ZMIZ2: variants seen among roughly 807,000 people sequenced by gnomAD.
ZMIZ2 encodes zinc finger MIZ-type containing 2.
A neutral mutation model predicts 93.9 loss-of-function variants in ZMIZ2; 26 were observed. The observed-to-expected ratio is 0.28, with a 90% CI of 0.20 to 0.38. The LOEUF (loss-of-function observed/expected upper bound fraction) is 0.38, where lower values mean the gene tolerates loss of function less well. Ranked by LOEUF, ZMIZ2 falls within the 10% of genes least tolerant of loss-of-function variation. ZMIZ2 has a pLI of 1.00. For synonymous variants in ZMIZ2, 485 were observed against 516.4 expected (o/e 0.94, Z 0.82); for missense variants, 1,023 against 1,235.0 (o/e 0.83, Z 2.57).
Position 44,768,935 on chromosome 7 carries a change from C to G in ZMIZ2, c.*1312C>G, listed in dbSNP as rs541450694. The G allele has an allele frequency of 6.6e-6, 1 of 152,620 alleles. No homozygotes were observed. The highest frequency in any genetic ancestry group is 1.9e-4 in the East Asian group (1 of 5,202). 9.5% of individuals were successfully genotyped at this position (152,620 alleles called of 1,614,324 possible). ...TTCCAAGTTGGCTTCAGCTGAAGAG[C>G]TGTTTTGTGAAGCATCCCAGGCTTG... On this transcript the variant is annotated 3_prime_UTR_variant, in exon 19 of 19. Transcript: ENST00000309315.
intron 14 of ZMIZ2, 105 bp from the exon 15 acceptor site, chr7:44,764,836 T>A: frequency 8.4e-7 from 1 of 1,188,180 alleles, no homozygotes; most frequent in Non-Finnish European, 1.2e-6. Flanking sequence ...CACACAGGAT[T>A]GCCTCATGCA....
Position 44,763,306 on chromosome 7 carries a change from G to A in ZMIZ2, c.1753G>A (p.Gly585Arg). The A allele has an allele frequency of 5.0e-6, 8 of 1,614,112 alleles. No homozygotes were observed. The highest frequency in any genetic ancestry group is 2.2e-5 in the East Asian group (1 of 44,882). ...CATCCCTGGCACCCCTGGGCCCAAC[G>A]GAGAGGACGGGGTGGAGCAGACAGC... ...GTIPGTPGPN[G>R]EDGVEQTAIK... Residue 585 changes from glycine to arginine, a missense_variant, in exon 13 of 19, where the codon GGA (glycine) becomes AGA (arginine). Physicochemically the swap from Gly to Arg is moderately radical, Grantham distance 125 (BLOSUM62 -2). Around this residue, in one of 3 missense-constraint regions of ZMIZ2, gnomAD observed 48 missense variants for 99.1 expected, o/e 0.48. Transcript: ENST00000309315. The surrounding 1 kb of genome is among the most constrained non-coding windows in gnomAD (Gnocchi z 5.6).
At chr7:44,750,010 G>A (rs539911313) in intron 1 of ZMIZ2, 1 of 152,176 alleles carries the variant, frequency 6.6e-6, no homozygotes, top group African/African-American at 2.4e-5. Context: ...GTCATGCCCA[G>A]GGGATAGTTA....
intron 1 of ZMIZ2, among the ~76,000 whole-genome samples, chr7:44,749,303 T>C (rs536695877): frequency 4.8e-4 from 73 of 151,800 alleles, no homozygotes; most frequent in African/African-American, 1.7e-3. Flanking sequence ...GGCCGAGGGG[T>C]GTAAGCGGCG....
chr7:44,766,201 C>T lies in ZMIZ2; in HGVS notation c.2280C>T (p.Ser760=). 6.2e-7 allele frequency: 1 copy of T among 1,611,070 alleles called. No individual in the cohort carries two copies. The highest frequency in any genetic ancestry group is 8.5e-7 in the Non-Finnish European group (1 of 1,178,066). The part of the protein sequence containing the change: ...SFLGPGTFPE[S]FPPTTPSTPT... ...TGGGGCCTGGAACTTTCCCTGAGTC[C>T]TTCCCACCCACCACGCCCAGCACCC... The change falls in exon 17 of 19, where the codon TCC becomes TCT. Residue 760 remains serine (S), a synonymous_variant. Coordinates refer to ENST00000309315, the MANE Select transcript of ZMIZ2 (RefSeq NM_031449.4). This position sits in a 1 kb window ranked among gnomAD's most constrained non-coding sequence, Gnocchi z 4.4.
At chr7:44,753,049 T>G (rs1435078831) in intron 1 of ZMIZ2, among the ~76,000 whole-genome samples, 2 of 152,216 alleles carry the variant, frequency 1.3e-5, no homozygotes, top group Non-Finnish European at 2.9e-5. Flanking sequence ...GCCATTCTGA[T>G]GGATGTATAG....
rs12540300 is a variant in ZMIZ2, at chr7:44,768,065, C to G, written c.*442C>G. The G allele has an allele frequency of 0.036, 7,262 of 201,796 alleles. 182 individuals are homozygous for G. The highest frequency in any genetic ancestry group is 0.081 in the Middle Eastern group (42 of 516). 12.5% of individuals were successfully genotyped at this position (201,796 alleles called of 1,614,324 possible). ...AGCTGGGCATCTGGCAGGGCTGGCT[C>G]TGTCCCCTGGGCCTTTGGCTCCAGT... On this transcript the variant is annotated 3_prime_UTR_variant, in exon 19 of 19. Coordinates refer to ENST00000309315, the MANE Select transcript of ZMIZ2 (RefSeq NM_031449.4).
chr7:44,762,460 G>C (rs1414912130), intron 11 of ZMIZ2, among the ~76,000 whole-genome samples: 3 of 152,218 alleles, frequency 2.0e-5, no homozygotes, highest in African/African-American at 7.2e-5. Context: ...GCCTGGGCAT[G>C]AGGGCCTTGG....
At position 44,760,169 on chromosome 7, in the gene ZMIZ2, G is replaced by A. The variant is rs560894350; in HGVS notation, c.1012G>A (p.Gly338Arg). 63 of 1,613,896 alleles carry A rather than the reference G, an allele frequency of 3.9e-5. No individual in the cohort carries two copies. In the Admixed American group the frequency reaches 5.3e-4, roughly 14 times the overall value. Reference sequence around the variant, plus strand: ...CCCGCAGCCCACAGAGCAGTTCAACGGGCAGGGCGCCAGCTTCAACGGGGG... The same window carrying A: ...CCCGCAGCCCACAGAGCAGTTCAACAGGCAGGGCGCCAGCTTCAACGGGGG... The part of the protein sequence containing the change: ...LHYKPTEQFN[G>R]QGASFNGGSV... The change falls in exon 8 of 19, where the codon GGG becomes AGG. Residue 338 changes from glycine to arginine, a missense_variant. This residue lies in a region of ZMIZ2 where 656 missense variants were observed against 777.1 expected (regional missense o/e 0.84). Coordinates refer to ENST00000309315, the MANE Select transcript of ZMIZ2 (RefSeq NM_031449.4).
At chr7:44,759,747 G>C in intron 7 of ZMIZ2, 1 of 472,208 alleles carries the variant, frequency 2.1e-6, no homozygotes, top group Non-Finnish European at 3.7e-6. Context: ...GGAGCAGCAG[G>C]TGGGTACCCA....
chr7:44,754,179 C>T lies in ZMIZ2; in HGVS notation c.-62-2009C>T, dbSNP rs143179103. ...GGCAGGTTCCTCTGTCCCCCAACAT[C>T]ACTATTCCTGAGTCAGGCTATGGGA... On this transcript the variant is annotated intron_variant, in intron 1 of 18. Coordinates refer to ENST00000309315, the MANE Select transcript of ZMIZ2 (RefSeq NM_031449.4). 6.0e-3 allele frequency among the ~76,000 whole-genome samples: 920 copies of T among 152,348 alleles called. 4 individuals are homozygous for T. Among genetic ancestry groups the T allele is most frequent in the African/African-American group, 0.021 (890 of 41,564 alleles).
Position 44,767,437 on chromosome 7 carries a change from G to A in ZMIZ2, c.2656-79G>A, listed in dbSNP as rs536096120. 28 of 1,215,616 alleles carry A rather than the reference G, an allele frequency of 2.3e-5. 1 individual carries two copies. The African/African-American group carries it at 2.5e-4, about 11-fold the overall frequency. 75.3% of individuals were successfully genotyped at this position (1,215,616 alleles called of 1,614,324 possible). A position where few individuals can be genotyped will look rare whatever the true frequency, so the allele number is the denominator to read the frequency against. On this transcript the variant is annotated intron_variant, in intron 18 of 18. Transcript: ENST00000309315. ...CCCCACTGTGCCTGGAGACAGGGCCGGGATGTGGTGACAGGATGGTCACTC... is the reference window on the plus strand; with the variant it reads ...CCCCACTGTGCCTGGAGACAGGGCCAGGATGTGGTGACAGGATGGTCACTC...
At position 44,766,617 on chromosome 7, in the gene ZMIZ2, C is replaced by G. The variant is rs1376123822; in HGVS notation, c.2609C>G (p.Pro870Arg). The change falls in exon 18 of 19, where the codon CCC becomes CGC. Residue 870 changes from proline to arginine, a missense_variant. Physicochemically the swap from Pro to Arg is moderately radical, Grantham distance 103 (BLOSUM62 -2). Coordinates refer to ENST00000309315, the MANE Select transcript of ZMIZ2 (RefSeq NM_031449.4). The surrounding 1 kb of genome is among the most constrained non-coding windows in gnomAD (Gnocchi z 4.4). ...AGTCCTGCCACAGGCGTGATGGGGC[C>G]CCCCAGCATGTCTGGAGCCGGGGAG... ...AFSPATGVMG[P>R]PSMSGAGEAP... is the part of the protein sequence containing the mutation. 2 of 1,613,354 alleles carry G rather than the reference C, an allele frequency of 1.2e-6. No homozygotes were observed. Among genetic ancestry groups the G allele is most frequent in the African/African-American group, 2.7e-5 (2 of 75,062 alleles).
In ZMIZ2 at chr7:44,763,722, T is replaced by TTC. The variant is rs1791428262; in HGVS notation, c.1860+309_1860+310insTC. On this transcript the variant is annotated intron_variant, in intron 13 of 18. Transcript: ENST00000309315. The surrounding 1 kb of genome is among the most constrained non-coding windows in gnomAD (Gnocchi z 5.6). ...CCCTACCCCCAAGGGTGACCATCGT[T>TTC]AGCATCTGTCTTTGCAGAAATACTC... is the stretch of plus-strand genomic sequence containing the variant. 2.9e-6 allele frequency: 1 copy of TTC among 342,844 alleles called. No individual in the cohort carries two copies. Among genetic ancestry groups the TTC allele is most frequent in the African/African-American group, 2.1e-5 (1 of 47,576 alleles). The allele number at this position is 342,844 out of a possible 1,614,324, so 21.2% of individuals were successfully genotyped here. A position where few individuals can be genotyped will look rare whatever the true frequency, so the allele number is the denominator to read the frequency against.
At chr7:44,752,014 G>C (rs1042499037) in intron 1 of ZMIZ2, among the ~76,000 whole-genome samples, 19 of 152,094 alleles carry the variant, frequency 1.2e-4, no homozygotes, top group African/African-American at 3.9e-4. Flanking sequence ...AAATGACACA[G>C]AGAGATTTAT....
In ZMIZ2 at chr7:44,760,493, A is replaced by C; in HGVS notation, c.1140A>C (p.Pro380=). 1 of 1,614,054 alleles carries C rather than the reference A, an allele frequency of 6.2e-7. No homozygotes were observed. The highest frequency in any genetic ancestry group is 8.5e-7 in the Non-Finnish European group (1 of 1,179,996). Residue 380 remains proline, a synonymous_variant, in exon 9 of 19, where the codon CCA becomes CCC. Coordinates refer to ENST00000309315, the MANE Select transcript of ZMIZ2 (RefSeq NM_031449.4). ...GGAACCCCACGCCACCCATGACCCC[A>C]AGCAGCAGCGTCCCTTACATGTCAC... is the stretch of plus-strand genomic sequence containing the variant. ...LPGNPTPPMT[P]SSSVPYMSPN...
chr7:44,758,452 C>A (rs1420657751), intron 6 of ZMIZ2, among the ~76,000 whole-genome samples: 1 of 142,294 alleles, frequency 7.0e-6, no homozygotes, highest in African/African-American at 2.6e-5. Context: ...GGCTGGGCAA[C>A]AGGAGTGAGA....
At position 44,767,794 on chromosome 7, in the gene ZMIZ2, C is replaced by T. The variant is rs1791867851; in HGVS notation, c.*171C>T. 2 of 644,170 alleles carry T rather than the reference C, an allele frequency of 3.1e-6. No individual in the cohort carries two copies. The highest frequency in any genetic ancestry group is 4.1e-4 in the Middle Eastern group (1 of 2,464). The allele number at this position is 644,170 out of a possible 1,614,324, so 39.9% of individuals were successfully genotyped here. A position where few individuals can be genotyped will look rare whatever the true frequency, so the allele number is the denominator to read the frequency against. ...CCCTGCCCCTGAATTGGAAGCAGCC[C>T]TGTGCTCGATGGGAGGGGCTCCCAG... is the stretch of plus-strand genomic sequence containing the variant. On this transcript the variant is annotated 3_prime_UTR_variant, in exon 19 of 19. Transcript: ENST00000309315.
At position 44,764,942 on chromosome 7, in the gene ZMIZ2, A is replaced by G; in HGVS notation, c.1930A>G (p.Lys644Glu). 1 of 1,614,158 alleles carries G rather than the reference A, an allele frequency of 6.2e-7. No individual in the cohort carries two copies. Among genetic ancestry groups the G allele is most frequent in the Non-Finnish European group, 8.5e-7 (1 of 1,180,006 alleles). ...RGTWRCPVCN[K>E]TALLEGLEVD... ...CTGTGTCCCTTTTTTTCCCCACAGCAAGACAGCTTTGCTGGAGGGCCTGGA... is the reference window on the plus strand; with the variant it reads ...CTGTGTCCCTTTTTTTCCCCACAGCGAGACAGCTTTGCTGGAGGGCCTGGA... Residue 644 changes from lysine to glutamate, a missense_variant and splice_region_variant, in exon 15 of 19, where the codon AAG becomes GAG. Lys to Glu is a moderately conservative substitution (Grantham distance 56). Around this residue, in one of 3 missense-constraint regions of ZMIZ2, gnomAD observed 48 missense variants for 99.1 expected, o/e 0.48. Transcript: ENST00000309315.
Sources: allele counts gnomAD v4.1 joint callset (sites outside exome capture counted in the v4.1 genomes callset), GRCh38; gene constraint gnomAD v4.1.1; regional missense constraint gnomAD v4.1.1; non-coding constraint Gnocchi (gnomAD v3.1); transcripts MANE v1.5; gene names NCBI Gene and HGNC (gene_info 2026-07-23, HGNC 2026-07-21).